The following MBNL2 variants were observed in gnomAD, a reference collection of about 807,000 sequenced individuals.
MBNL2 encodes muscleblind-like protein 2.
A neutral mutation model predicts 41.9 loss-of-function variants in MBNL2; 17 were observed. That is an observed-to-expected ratio of 0.41 (90% CI 0.28 to 0.61). MBNL2 has a LOEUF of 0.61. MBNL2 is among the 20% of genes least tolerant of loss of function. The pLI is 0.35. For synonymous variants in MBNL2, 195 were observed against 182.9 expected (o/e 1.07, Z -0.53); for missense variants, 336 against 505.6 (o/e 0.66, Z 3.22).
chr13:97,298,578 T>A (rs1401228440), intron 2 of MBNL2, among the ~76,000 whole-genome samples: 1 of 152,234 alleles, frequency 6.6e-6, no homozygotes, highest in Non-Finnish European at 1.5e-5. Context: ...ACCCATGCTG[T>A]TTTTCCCTTT....
chr13:97,278,048 G>A (rs1328190321), intron 2 of MBNL2, among the ~76,000 whole-genome samples: 1 of 151,958 alleles, frequency 6.6e-6, no homozygotes, highest in Non-Finnish European at 1.5e-5. Context: ...GAGATCAGGG[G>A]TTTGAGACCA....
Position 97,277,133 on chromosome 13 carries a change from A to T in MBNL2, c.174+724A>T, listed in dbSNP as rs577971933. 3.3e-5 allele frequency among the ~76,000 whole-genome samples: 5 copies of T among 152,258 alleles called. No individual in the cohort carries two copies. In the South Asian group the frequency reaches 1.0e-3, roughly 32 times the overall value. On this transcript the variant is annotated intron_variant, in intron 2 of 8. Transcript: ENST00000679496. ...GGTTTCCAACAGACTGTTTCAAGAA[A>T]TGTTTTTGGAGATTCAAGGCATCTG...
intron 2 of MBNL2, among the ~76,000 whole-genome samples, chr13:97,278,272 A>G (rs893137368): frequency 6.6e-6 from 1 of 150,916 alleles, no homozygotes; most frequent in Non-Finnish European, 1.5e-5. Flanking sequence ...AAAAAAAAAA[A>G]AAAAAGCAGT....
the MBNL2 span, among the ~76,000 whole-genome samples, chr13:97,183,662 C>A: frequency 6.6e-6 from 1 of 152,214 alleles, no homozygotes; most frequent in Non-Finnish European, 1.5e-5. Context: ...CCTTGCCCAG[C>A]TCTGACAGGA....
At chr13:97,257,527 C>T (rs1180457428) in intron 1 of MBNL2, among the ~76,000 whole-genome samples, 1 of 152,188 alleles carries the variant, frequency 6.6e-6, no homozygotes, top group African/African-American at 2.4e-5. Context: ...AAACTACTTC[C>T]ATGTAAATAA....
chr13:97,296,844 G>T (rs756495723), intron 2 of MBNL2, among the ~76,000 whole-genome samples: 8 of 152,162 alleles, frequency 5.3e-5, no homozygotes, highest in Non-Finnish European at 1.2e-4. Context: ...CTATAGACAA[G>T]GTGTGATCAA....
At chr13:97,329,695 C>CAA in intron 2 of MBNL2, among the ~76,000 whole-genome samples, 1 of 188 alleles carries the variant, frequency 5.3e-3, no homozygotes, top group Non-Finnish European at 9.4e-3. Context: ...ACACACAATA[C>CAA]ACACACATGC....
chr13:97,166,153 A>C, the MBNL2 span, among the ~76,000 whole-genome samples: 1 of 152,348 alleles, frequency 6.6e-6, no homozygotes, highest in East Asian at 1.9e-4. Context: ...ATGTTGGGTA[A>C]AGAAAATATT....
the MBNL2 span, among the ~76,000 whole-genome samples, chr13:97,158,348 T>A: frequency 6.6e-6 from 1 of 151,820 alleles, no homozygotes; most frequent in African/African-American, 2.4e-5. Context: ...AAAAACCAGC[T>A]CCTGGATTCA....
intron 8 of MBNL2, among the ~76,000 whole-genome samples, chr13:97,373,617 T>TATATAC (rs945807330): frequency 1.3e-5 from 2 of 150,160 alleles, no homozygotes; most frequent in Non-Finnish European, 3.0e-5. Flanking sequence ...TATATATATA[T>TATATAC]ATATATATTA....
At chr13:97,187,609 A>AAG in the MBNL2 span, among the ~76,000 whole-genome samples, 17 of 147,992 alleles carry the variant, frequency 1.1e-4, no homozygotes, top group African/African-American at 4.2e-4. Context: ...AAAAAAAAAA[A>AAG]AAAAAAAAAA....
chr13:97,353,649 A>G (rs1381307074), intron 5 of MBNL2, among the ~76,000 whole-genome samples: 2 of 152,230 alleles, frequency 1.3e-5, no homozygotes, highest in Non-Finnish European at 2.9e-5. Context: ...TTCTTAAAAC[A>G]TAACCATCAC....
chr13:97,338,268 GC>G (rs2153072104), intron 3 of MBNL2, among the ~76,000 whole-genome samples: 1 of 152,192 alleles, frequency 6.6e-6, no homozygotes, highest in African/African-American at 2.4e-5. Flanking sequence ...ATGTCTTAGT[GC>G]TTTTCACACA....
chr13:97,315,818 G>A (rs756213316), intron 2 of MBNL2, among the ~76,000 whole-genome samples: 7 of 151,614 alleles, frequency 4.6e-5, no homozygotes, highest in East Asian at 3.9e-4. Context: ...GGCCTTGCTC[G>A]TGGGTGAGGA....
Position 97,272,871 on chromosome 13 carries a change from G to A in MBNL2, c.-604-2761G>A, listed in dbSNP as rs557036885. Among the ~76,000 whole-genome samples the A allele has an allele frequency of 3.4e-4, 52 of 152,280 alleles. 1 individual carries two copies. The highest frequency in any genetic ancestry group is 1.2e-3 in the African/African-American group (51 of 41,544). On this transcript the variant is annotated intron_variant, in intron 1 of 8. Transcript: ENST00000679496. ...TTTTAAGCAAGTGTATCTTGGTAGA[G>A]TCTGATCATCTGAATTCTGGTGGGA... is the stretch of plus-strand genomic sequence containing the variant.
intron 3 of MBNL2, among the ~76,000 whole-genome samples, chr13:97,335,381 A>C (rs9516911): frequency 6.6e-6 from 1 of 151,958 alleles, no homozygotes; most frequent in Non-Finnish European, 1.5e-5. Context: ...CCTTTATTGT[A>C]GGAAAAGTCT....
chr13:97,229,420 A>G (rs1191170489), intron 1 of MBNL2, among the ~76,000 whole-genome samples: 3 of 152,086 alleles, frequency 2.0e-5, no homozygotes, highest in East Asian at 3.9e-4. Flanking sequence ...CTTCCATCTT[A>G]TATATTATTT....
chr13:97,229,588 G>C (rs2042110011), intron 1 of MBNL2, among the ~76,000 whole-genome samples: 1 of 152,114 alleles, frequency 6.6e-6, no homozygotes, highest in South Asian at 2.1e-4. Context: ...GATCAAAAAT[G>C]TTTGGAGAGG....
At chr13:97,175,600 TG>T in the MBNL2 span, among the ~76,000 whole-genome samples, 4 of 152,142 alleles carry the variant, frequency 2.6e-5, no homozygotes, top group Non-Finnish European at 2.9e-5. Context: ...CCTTTGCTAG[TG>T]TGATGATTCC....
Sources: allele counts gnomAD v4.1 joint callset (sites outside exome capture counted in the v4.1 genomes callset), GRCh38; gene constraint gnomAD v4.1.1; transcripts MANE v1.5; gene names NCBI Gene and HGNC (gene_info 2026-07-23, HGNC 2026-07-21).